Variants in PHF24 observed in about 807,000 individuals in gnomAD.
PHF24 encodes Galpha inhibitory interacting protein.
Under a neutral mutation model 42.6 loss-of-function variants are expected in PHF24, and 25 were observed. The ratio of observed to expected loss-of-function variants is 0.59; its 90% CI spans 0.43 to 0.82. PHF24 has a LOEUF of 0.82. Ranked by LOEUF, PHF24 falls within the 40% of genes least tolerant of loss-of-function variation. The pLI is 0.00. For missense variants in PHF24, 470 were observed against 538.1 expected, an observed-to-expected ratio of 0.87 and a Z score of 1.25; for synonymous variants, 185 against 204.8, an observed-to-expected ratio of 0.90 and a Z score of 0.83.
At chr9:34,940,886 G>T in the PHF24 span, among the ~76,000 whole-genome samples, 1 of 152,126 alleles carries the variant, frequency 6.6e-6, no homozygotes, top group African/African-American at 2.4e-5. Context: ...TGCCAATATG[G>T]TGACTCCTTT....
At chr9:34,918,404 T>C in the PHF24 span, 7 of 515,890 alleles carry the variant, frequency 1.4e-5, no homozygotes, top group South Asian at 2.5e-5. Context: ...AATACCAAGG[T>C]CTTTAAAAAA....
the PHF24 span, chr9:34,918,250 G>A: frequency 1.3e-6 from 2 of 1,489,172 alleles, no homozygotes; most frequent in Non-Finnish European, 1.9e-6. Context: ...ATCCGCACGT[G>A]TCTTCTCAAT....
the PHF24 span, among the ~76,000 whole-genome samples, chr9:34,762,045 C>T: frequency 6.6e-5 from 10 of 151,698 alleles, no homozygotes; most frequent in African/African-American, 2.4e-4. Flanking sequence ...TTTATGGCTG[C>T]ATAGTATTCC....
chr9:34,875,940 A>ACTCTCTCTCTCTCTCTCT, the PHF24 span, among the ~76,000 whole-genome samples: 2 of 89,334 alleles, frequency 2.2e-5, no homozygotes, highest in African/African-American at 9.2e-5. Context: ...ACACACACAC[A>ACTCTCTCTCTCTCTCTCT]CACACACACA....
chr9:34,692,261 G>T, the PHF24 span, among the ~76,000 whole-genome samples: 5 of 152,262 alleles, frequency 3.3e-5, no homozygotes, highest in African/African-American at 1.2e-4. Context: ...CATAATAATA[G>T]TAATGGTATT....
chr9:34,733,290 A>G, the PHF24 span, among the ~76,000 whole-genome samples: 1 of 152,144 alleles, frequency 6.6e-6, no homozygotes, highest in Non-Finnish European at 1.5e-5. Flanking sequence ...CTTTTCTGTG[A>G]AATATCTCTT....
At chr9:34,764,513 T>A in the PHF24 span, among the ~76,000 whole-genome samples, 1 of 152,010 alleles carries the variant, frequency 6.6e-6, no homozygotes, top group Non-Finnish European at 1.5e-5. Flanking sequence ...TCTCTGATGG[T>A]AGTTTGTATT....
chr9:34,971,358 T>C (rs1826969519), exon 2 of PHF24: 1 of 1,613,994 alleles, frequency 6.2e-7, no homozygotes, highest in African/African-American at 1.3e-5. Flanking sequence ...TGAGTCTGGC[T>C]GTGTCTGCTT....
At chr9:34,742,491 T>G in the PHF24 span, among the ~76,000 whole-genome samples, 3 of 152,178 alleles carry the variant, frequency 2.0e-5, no homozygotes, top group African/African-American at 7.2e-5. Context: ...AACAAAGAAC[T>G]GTGCCTCAAC....
At chr9:34,740,517 C>T in the PHF24 span, among the ~76,000 whole-genome samples, 4 of 152,358 alleles carry the variant, frequency 2.6e-5, no homozygotes, top group South Asian at 8.3e-4. Context: ...GCAGGGCCAG[C>T]CGGCTGCTCC....
the PHF24 span, chr9:34,838,599 G>A: frequency 2.8e-6 from 2 of 715,982 alleles, no homozygotes; most frequent in Non-Finnish European, 4.6e-6. Flanking sequence ...CCACCTCACA[G>A]AGGACGGAAC....
chr9:34,706,204 G>A, the PHF24 span, among the ~76,000 whole-genome samples: 1 of 121,942 alleles, frequency 8.2e-6, no homozygotes, highest in Non-Finnish European at 1.6e-5. Context: ...AATATAAACT[G>A]TAATTATGAT....
the PHF24 span, among the ~76,000 whole-genome samples, chr9:34,900,456 G>A: frequency 2.0e-5 from 3 of 152,038 alleles, no homozygotes; most frequent in East Asian, 1.9e-4. Flanking sequence ...AAAGTTAGCC[G>A]GACATGGTGG....
chr9:34,738,206 T>G, the PHF24 span, among the ~76,000 whole-genome samples: 1 of 152,220 alleles, frequency 6.6e-6, no homozygotes, highest in Admixed American at 6.5e-5. Flanking sequence ...ACTGCCTAGC[T>G]GATCCCAGTC....
At chr9:34,728,118 A>G in the PHF24 span, 3 of 1,540,450 alleles carry the variant, frequency 1.9e-6, no homozygotes, top group Non-Finnish European at 2.6e-6. Context: ...ATGGCATGGG[A>G]TAATTTCATA....
chr9:34,876,410 C>T, the PHF24 span, among the ~76,000 whole-genome samples: 4 of 152,176 alleles, frequency 2.6e-5, no homozygotes, highest in Non-Finnish European at 2.9e-5. Context: ...AGGCTACATA[C>T]TGTATGGTTC....
intron 2 of PHF24, 101 bp downstream of exon 2, chr9:34,971,777 G>T: frequency 7.4e-7 from 1 of 1,358,460 alleles, no homozygotes; most frequent in South Asian, 1.5e-5. Context: ...CCGGAAAAAT[G>T]GAGCTGAGTC....
At chr9:34,861,870 A>G in the PHF24 span, among the ~76,000 whole-genome samples, 338 of 152,344 alleles carry the variant, frequency 2.2e-3, 2 homozygotes, top group African/African-American at 7.0e-3. Flanking sequence ...CAAACCTAAC[A>G]TCATCAATAC....
chr9:34,779,246 A>G, the PHF24 span, among the ~76,000 whole-genome samples: 3 of 152,264 alleles, frequency 2.0e-5, no homozygotes, highest in South Asian at 4.1e-4. Flanking sequence ...TAAAGATTAG[A>G]GCAGCAAGAA....
Sources: allele counts gnomAD v4.1 joint callset (sites outside exome capture counted in the v4.1 genomes callset), GRCh38; gene constraint gnomAD v4.1.1; transcripts MANE v1.5; gene names NCBI Gene and HGNC (gene_info 2026-07-23, HGNC 2026-07-21).